The following TULP4 variants were observed in gnomAD, a reference collection of about 807,000 sequenced individuals.
TULP4 encodes the protein tubby-related protein 4.
A neutral mutation model predicts 129.0 loss-of-function variants in TULP4; 16 were observed. That is an observed-to-expected ratio of 0.12 (90% CI 0.08 to 0.19). TULP4 has a LOEUF of 0.19. TULP4 is among the 10% of genes least tolerant of loss of function. The pLI, the probability that TULP4 is intolerant of heterozygous loss-of-function variation, is 1.00. For synonymous variants in TULP4, 998 were observed against 854.0 expected (o/e 1.17, Z -2.94); for missense variants, 1,842 against 2,059.1 (o/e 0.89, Z 2.04).
intron 3 of TULP4, among the ~76,000 whole-genome samples, chr6:158,448,442 T>C (rs1291176264): frequency 1.3e-5 from 2 of 152,222 alleles, no homozygotes; most frequent in Admixed American, 1.3e-4. Flanking sequence ...AATACATTAA[T>C]ACTATTATTA....
At chr6:158,349,175 G>A (rs868285746) in intron 1 of TULP4, among the ~76,000 whole-genome samples, 15 of 145,608 alleles carry the variant, frequency 1.0e-4, no homozygotes, top group African/African-American at 3.0e-4. Flanking sequence ...CACACGGGGC[G>A]GCTGCCCGGC....
At chr6:158,490,022 G>GT (rs962730027) in intron 9 of TULP4, among the ~76,000 whole-genome samples, 1 of 152,172 alleles carries the variant, frequency 6.6e-6, no homozygotes. Context: ...GGGCTTATAT[G>GT]TTTTTTCTTA....
At chr6:158,235,865 A>AAATTAATTAAATTAGTTAAAACAAATTC (rs1777684067) in intron 1 of TULP4, among the ~76,000 whole-genome samples, 11 of 152,232 alleles carry the variant, frequency 7.2e-5, no homozygotes, top group Admixed American at 5.2e-4. Context: ...AAAACAAATT[A>AAATTAATTAAATTAGTTAAAACAAATTC]AATTAATTAA....
intron 1 of TULP4, among the ~76,000 whole-genome samples, chr6:158,277,174 C>T (rs747258233): frequency 3.9e-5 from 6 of 152,196 alleles, no homozygotes; most frequent in Non-Finnish European, 8.8e-5. Context: ...CTCCTGGGCT[C>T]AAGCAATCTT....
chr6:158,492,734 C>T (rs1780245108), intron 9 of TULP4, among the ~76,000 whole-genome samples: 1 of 152,152 alleles, frequency 6.6e-6, no homozygotes, highest in South Asian at 2.1e-4. Context: ...CAGAGTTTCT[C>T]ATCAAGCTCA....
In TULP4 at chr6:158,501,957, G is replaced by A. The variant is rs200671698; in HGVS notation, c.2294G>A (p.Arg765His). The A allele has an allele frequency of 1.9e-5, 30 of 1,613,876 alleles. No individual in the cohort carries two copies. Among genetic ancestry groups the A allele is most frequent in the Middle Eastern group, 1.7e-4 (1 of 6,060 alleles). Residue 765 changes from arginine (R) to histidine (H), a missense_variant, in exon 13 of 14, where the codon CGC (arginine) becomes CAC (histidine). Transcript: ENST00000367097. Reference sequence around the variant, plus strand: ...ATTTTCGGAAGCGTGGAAATGGGCCGCATCATTCAGAACCCCCCTCCACTG... The same window carrying A: ...ATTTTCGGAAGCGTGGAAATGGGCCACATCATTCAGAACCCCCCTCCACTG... ...QVIFGSVEMG[R>H]IIQNPPPLSL...
At chr6:158,490,774 C>T (rs1269028335) in intron 9 of TULP4, among the ~76,000 whole-genome samples, 1 of 151,934 alleles carries the variant, frequency 6.6e-6, no homozygotes, top group Non-Finnish European at 1.5e-5. Flanking sequence ...CGATATGTTC[C>T]CTTTGTATCT....
chr6:158,330,927 T>C (rs936461154), intron 1 of TULP4, among the ~76,000 whole-genome samples: 4 of 152,196 alleles, frequency 2.6e-5, no homozygotes, highest in Non-Finnish European at 5.9e-5. Flanking sequence ...TTTTTGTTAT[T>C]AAATTTAGAT....
chr6:158,379,550 A>T (rs977054033), intron 1 of TULP4, among the ~76,000 whole-genome samples: 1 of 152,126 alleles, frequency 6.6e-6, no homozygotes, highest in Non-Finnish European at 1.5e-5. Context: ...AGGGAGTGGG[A>T]GCTAGTTTCT....
At chr6:158,372,004 G>A (rs1402238546) in intron 1 of TULP4, among the ~76,000 whole-genome samples, 1 of 151,928 alleles carries the variant, frequency 6.6e-6, no homozygotes, top group African/African-American at 2.4e-5. Flanking sequence ...CTATAGAGAT[G>A]GGGTTTCTCC....
At chr6:158,353,663 T>C (rs1247218660) in intron 1 of TULP4, among the ~76,000 whole-genome samples, 7 of 152,244 alleles carry the variant, frequency 4.6e-5, no homozygotes, top group African/African-American at 9.6e-5. Flanking sequence ...TTGAGTGCTA[T>C]TTGTGGAGAA....
At chr6:158,441,551 G>T (rs1483737958) in intron 3 of TULP4, among the ~76,000 whole-genome samples, 2 of 152,134 alleles carry the variant, frequency 1.3e-5, no homozygotes, top group African/African-American at 4.8e-5. Context: ...GGTTCCACAT[G>T]GCACTGCTGC....
upstream of TULP4, among the ~76,000 whole-genome samples, chr6:158,308,652 C>G (rs892470470): frequency 1.4e-5 from 2 of 147,284 alleles, no homozygotes; most frequent in African/African-American, 5.0e-5. Context: ...ACCTCCCTCT[C>G]GGACGGGGCG....
intron 1 of TULP4, among the ~76,000 whole-genome samples, chr6:158,266,417 C>T (rs1174909732): frequency 1.3e-5 from 2 of 152,108 alleles, no homozygotes; most frequent in Non-Finnish European, 2.9e-5. Context: ...CCACCACGCC[C>T]AGCTAATTTT....
At chr6:158,438,391 A>G (rs1778797407) in intron 3 of TULP4, among the ~76,000 whole-genome samples, 1 of 152,178 alleles carries the variant, frequency 6.6e-6, no homozygotes, top group Non-Finnish European at 1.5e-5. Context: ...GGATTGAAGC[A>G]TGTAGTTTGG....
At chr6:158,246,825 A>G (rs1480933177) in intron 1 of TULP4, among the ~76,000 whole-genome samples, 1 of 152,234 alleles carries the variant, frequency 6.6e-6, no homozygotes, top group African/African-American at 2.4e-5. Flanking sequence ...CCCGTGAGAT[A>G]AAGAGTATTT....
intron 1 of TULP4, among the ~76,000 whole-genome samples, chr6:158,338,261 G>A (rs756764445): frequency 2.0e-5 from 3 of 152,100 alleles, no homozygotes; most frequent in South Asian, 2.1e-4. Context: ...CCAAAGTGCT[G>A]GAATTATAGT....
intron 1 of TULP4, among the ~76,000 whole-genome samples, chr6:158,260,763 C>T (rs914727745): frequency 2.6e-5 from 4 of 150,978 alleles, no homozygotes; most frequent in Non-Finnish European, 5.9e-5. Context: ...GTGGAAGGGA[C>T]ACAAGGAGAA....
chr6:158,452,380 C>A, intron 5 of TULP4, 112 bp downstream of exon 5: 1 of 1,393,456 alleles, frequency 7.2e-7, no homozygotes, highest in South Asian at 1.5e-5. Context: ...GTGGTGACAC[C>A]TTCTGGGCTT....
Sources: allele counts gnomAD v4.1 joint callset (sites outside exome capture counted in the v4.1 genomes callset), GRCh38; gene constraint gnomAD v4.1.1; transcripts MANE v1.5; gene names NCBI Gene and HGNC (gene_info 2026-07-23, HGNC 2026-07-21).